Variants in CFAP70 observed in about 807,000 individuals in gnomAD.
The protein encoded by CFAP70 is cilia and flagella associated protein 70.
CFAP70 carries 81 observed loss-of-function variants against 137.6 expected under a neutral mutation model. The ratio of observed to expected loss-of-function variants is 0.59; its 90% CI spans 0.49 to 0.71. CFAP70 has a LOEUF of 0.71. Ranked by LOEUF, CFAP70 falls within the 30% of genes least tolerant of loss-of-function variation. The pLI is 0.00. For missense variants in CFAP70, 976 were observed against 1,226.7 expected (o/e 0.80, Z 3.05); for synonymous variants, 382 against 423.6 (o/e 0.90, Z 1.20).
rs544622152 is a variant in CFAP70, at chr10:73,257,539, ACCTG to A, written c.3028-1127_3028-1124del. Among the ~76,000 whole-genome samples the A allele has an allele frequency of 1.5e-3, 228 of 152,290 alleles. 1 individual carries two copies. The highest frequency in any genetic ancestry group is 4.1e-3 in the South Asian group (20 of 4,824). On this transcript the variant is annotated intron_variant, in intron 25 of 26. Coordinates refer to ENST00000310715, the Ensembl canonical transcript of CFAP70. ...CACAGAATATTCGTGTCTGAAGGGG[ACCTG>A]GGGAATATCTAGTCCAATTTTCTGA...
intron 8 of CFAP70, among the ~76,000 whole-genome samples, chr10:73,330,567 T>C (rs190518636): frequency 3.9e-5 from 6 of 152,246 alleles, no homozygotes; most frequent in African/African-American, 1.4e-4. Flanking sequence ...GTGATAGTAT[T>C]TTTATTATGC....
At chr10:73,334,764 G>C (rs2052469139) in intron 7 of CFAP70, among the ~76,000 whole-genome samples, 1 of 151,732 alleles carries the variant, frequency 6.6e-6, no homozygotes, top group Admixed American at 6.6e-5. Context: ...ATTTTTAGTA[G>C]AGACGGGGTT....
At chr10:73,343,227 G>C (rs1467139043) in intron 5 of CFAP70, among the ~76,000 whole-genome samples, 2 of 142,862 alleles carry the variant, frequency 1.4e-5, no homozygotes, top group Non-Finnish European at 3.0e-5. Flanking sequence ...AAAAAAAAAA[G>C]AGAAAGAAAA....
exon 14 of CFAP70, chr10:73,299,041 A>G (rs199895995): frequency 2.7e-5 from 43 of 1,613,956 alleles, no homozygotes; most frequent in Non-Finnish European, 3.6e-5. Flanking sequence ...AACATTCTGT[A>G]GTATTCATCT....
chr10:73,349,203 TG>T (rs2053982161), intron 3 of CFAP70, among the ~76,000 whole-genome samples: 2 of 152,112 alleles, frequency 1.3e-5, no homozygotes, highest in Non-Finnish European at 2.9e-5. Context: ...GCCCATCAAT[TG>T]ATCTTAAGAA....
At chr10:73,306,677 G>T (rs181062949) in intron 12 of CFAP70, among the ~76,000 whole-genome samples, 3 of 152,180 alleles carry the variant, frequency 2.0e-5, no homozygotes, top group African/African-American at 7.2e-5. Context: ...AGACCAGCCT[G>T]GGAAACATAG....
intron 25 of CFAP70, among the ~76,000 whole-genome samples, chr10:73,259,236 A>G (rs2133551394): frequency 6.6e-6 from 1 of 152,324 alleles, no homozygotes; most frequent in South Asian, 2.1e-4. Flanking sequence ...GAAAATAGAA[A>G]AAAACCTACA....
At chr10:73,329,346 C>T (rs1003169914) in intron 8 of CFAP70, among the ~76,000 whole-genome samples, 16 of 150,170 alleles carry the variant, frequency 1.1e-4, no homozygotes, top group South Asian at 2.1e-4. Flanking sequence ...GTTGTGGGGT[C>T]GGGGGAGCGG....
At chr10:73,360,697 GC>G (rs2054973249), upstream of CFAP70, among the ~76,000 whole-genome samples, 1 of 152,122 alleles carries the variant, frequency 6.6e-6, no homozygotes, top group Non-Finnish European at 1.5e-5. Context: ...AACTACTGTG[GC>G]ACTACTGAGT....
rs921805410 is a variant in CFAP70 at position 73,275,479 on chromosome 10, T to C, written c.2640A>G (p.Glu880=). 1.2e-6 allele frequency: 2 copies of C among 1,610,346 alleles called. 1 individual carries two copies. The highest frequency in any genetic ancestry group is 2.7e-5 in the African/African-American group (2 of 74,766). Residue 880 remains glutamate, a synonymous_variant, in exon 22 of 27, where the codon GAA becomes GAG. Coordinates refer to ENST00000310715, the Ensembl canonical transcript of CFAP70. The surrounding 1 kb of genome is among the most constrained non-coding windows in gnomAD (Gnocchi z 4.0). ...CCATCTGGGCTGCTTGTTGAAGGTA[T>C]TCCTCTGCCTTGGCAAAGTTCTTCT...
intron 8 of CFAP70, among the ~76,000 whole-genome samples, chr10:73,328,019 T>C (rs199973787): frequency 0.1 from 15,917 of 151,840 alleles, 1,207 homozygotes; most frequent in East Asian, 0.3. Flanking sequence ...AAAAAAGAGC[T>C]CGCATCGCCA....
At chr10:73,260,564 GC>G (rs1232503459) in intron 25 of CFAP70, among the ~76,000 whole-genome samples, 11 of 152,236 alleles carry the variant, frequency 7.2e-5, no homozygotes, top group Non-Finnish European at 1.6e-4. Context: ...GTTATGTTGT[GC>G]AAGCATCAGC....
chr10:73,356,128 A>C (rs2054658059), intron 1 of CFAP70, among the ~76,000 whole-genome samples: 1 of 152,228 alleles, frequency 6.6e-6, no homozygotes, highest in Non-Finnish European at 1.5e-5. Context: ...TCAATTTTAC[A>C]ATACTAAGGG....
chr10:73,286,243 G>C (rs2047697945), intron 19 of CFAP70, among the ~76,000 whole-genome samples: 1 of 152,120 alleles, frequency 6.6e-6, no homozygotes, highest in African/African-American at 2.4e-5. Context: ...AGGAGATCAA[G>C]ACCAGCCTGG....
intron 7 of CFAP70, among the ~76,000 whole-genome samples, chr10:73,335,087 CAGG>C (rs1224370040): frequency 4.6e-4 from 66 of 144,080 alleles, no homozygotes; most frequent in African/African-American, 1.7e-3. Context: ...TTTTGTGAGC[CAGG>C]GTCTTACTTT....
chr10:73,312,718 T>TA (rs2050016059), intron 9 of CFAP70, 75 bp from the exon 11 acceptor site: 2 of 1,300,916 alleles, frequency 1.5e-6, no homozygotes, highest in South Asian at 1.6e-5. Flanking sequence ...TATTTTTTTT[T>TA]ACCATTTAGT....
intron 8 of CFAP70, among the ~76,000 whole-genome samples, chr10:73,327,879 G>T (rs2132268298): frequency 6.6e-6 from 1 of 152,262 alleles, no homozygotes; most frequent in Middle Eastern, 3.4e-3. Context: ...CTCATGGGTA[G>T]GAAGAATCAA....
At chr10:73,296,557 G>T (rs1386681635) in intron 15 of CFAP70, 1 of 152,416 alleles carries the variant, frequency 6.6e-6, no homozygotes, top group Non-Finnish European at 1.5e-5. Context: ...CAAGATGGAA[G>T]ACTTACAAAT....
At chr10:73,259,867 C>T (rs1406542236) in intron 25 of CFAP70, among the ~76,000 whole-genome samples, 1 of 149,744 alleles carries the variant, frequency 6.7e-6, no homozygotes, top group Non-Finnish European at 1.5e-5. Flanking sequence ...TCTGTCTCTA[C>T]AAAAAATGAA....
Sources: allele counts gnomAD v4.1 joint callset (sites outside exome capture counted in the v4.1 genomes callset), GRCh38; gene constraint gnomAD v4.1.1; non-coding constraint Gnocchi (gnomAD v3.1); transcripts MANE v1.5; gene names NCBI Gene and HGNC (gene_info 2026-07-23, HGNC 2026-07-21).